Variants in CDH13 observed in about 807,000 individuals in gnomAD.
CDH13 encodes the protein cadherin 13.
In CDH13, 24 loss-of-function variants were observed where a neutral mutation model predicts 63.8. That is an observed-to-expected ratio of 0.38 (90% CI 0.27 to 0.53). The LOEUF (loss-of-function observed/expected upper bound fraction) is 0.53, where lower values mean the gene tolerates loss of function less well. Among genes scored for constraint, CDH13 ranks in the 20% least tolerant of loss-of-function variants. The pLI, the probability that CDH13 is intolerant of heterozygous loss-of-function variation, is 0.85. For missense variants in CDH13, 1,049 were observed against 903.1 expected (o/e 1.16, Z -2.07); for synonymous variants, 503 against 355.3 (o/e 1.42, Z -4.67).
rs750242566 is a variant in CDH13, at chr16:83,761,913, AAAAATTAGCCAGGCGT to A, written c.1681+13664_1681+13679del. Among the ~76,000 whole-genome samples, 226 of 152,160 alleles carry A rather than the reference AAAAATTAGCCAGGCGT, an allele frequency of 1.5e-3. 2 individuals carry two copies. Among genetic ancestry groups the A allele is most frequent in the Non-Finnish European group, 2.8e-3 (188 of 68,002 alleles). ...GAAACCCCTTCTCTACTAAAAATACAAAAATTAGCCAGGCGTGGTTGTGCATGCCTGTAGTCCCAGC... is the reference window on the plus strand; with the variant it reads ...GAAACCCCTTCTCTACTAAAAATACAGGTTGTGCATGCCTGTAGTCCCAGC... On this transcript the variant is annotated intron_variant, in intron 11 of 13. Transcript: ENST00000567109.
intron 1 of CDH13, among the ~76,000 whole-genome samples, chr16:82,699,209 A>G (rs1177903579): frequency 6.6e-6 from 1 of 152,162 alleles, no homozygotes; most frequent in Non-Finnish European, 1.5e-5. Flanking sequence ...AACTTATGTG[A>G]TGAAACTGGG....
chr16:83,736,901 G>A (rs1351594985), intron 10 of CDH13, among the ~76,000 whole-genome samples: 3 of 152,322 alleles, frequency 2.0e-5, no homozygotes, highest in East Asian at 3.9e-4. Flanking sequence ...TGCTTGCCTG[G>A]AACAGGTGGT....
At chr16:83,151,594 T>A (rs1390316529) in intron 4 of CDH13, among the ~76,000 whole-genome samples, 1 of 152,178 alleles carries the variant, frequency 6.6e-6, no homozygotes, top group African/African-American at 2.4e-5. Context: ...TGTTGATATG[T>A]TGCAAAGAAT....
intron 11 of CDH13, among the ~76,000 whole-genome samples, chr16:83,758,622 A>C (rs1395808924): frequency 6.6e-6 from 1 of 152,228 alleles, no homozygotes; most frequent in Non-Finnish European, 1.5e-5. Flanking sequence ...TTATTCATAA[A>C]TGATATGCCT....
chr16:82,814,577 T>C (rs1158333737), intron 1 of CDH13, among the ~76,000 whole-genome samples: 1 of 152,178 alleles, frequency 6.6e-6, no homozygotes, highest in Non-Finnish European at 1.5e-5. Context: ...ACAGAGGGCA[T>C]GGAAGCTCTG....
intron 5 of CDH13, among the ~76,000 whole-genome samples, chr16:83,321,620 C>G (rs75636201): frequency 0.082 from 12,084 of 147,226 alleles, 569 homozygotes; most frequent in Non-Finnish European, 0.11. Context: ...GCTCCACATC[C>G]TGGGTTCACA....
rs983339891 is a variant in CDH13, at chr16:83,302,385, C to T, written c.637-42477C>T. ...GGAAAATATGTAGAAGTTCTTGGCA[C>T]AGAATAGCAGCTCTGTAAATATTAG... On this transcript the variant is annotated intron_variant, in intron 5 of 13. Transcript: ENST00000567109. Among the ~76,000 whole-genome samples, 10 of 152,260 alleles carry T rather than the reference C, an allele frequency of 6.6e-5. 1 individual carries two copies. The South Asian group carries it at 2.1e-3, about 32-fold the overall frequency.
At chr16:82,890,538 A>G (rs2041043530) in intron 2 of CDH13, among the ~76,000 whole-genome samples, 1 of 152,182 alleles carries the variant, frequency 6.6e-6, no homozygotes, top group Admixed American at 6.5e-5. Context: ...CCATCAGGAT[A>G]GTAAATTAAA....
At chr16:83,701,718 C>T (rs1906259937) in intron 10 of CDH13, among the ~76,000 whole-genome samples, 1 of 152,214 alleles carries the variant, frequency 6.6e-6, no homozygotes, top group Non-Finnish European at 1.5e-5. Flanking sequence ...TCCAGCCCCA[C>T]TTCAGCACCA....
At chr16:83,752,314 A>G (rs1486541239) in intron 11 of CDH13, among the ~76,000 whole-genome samples, 2 of 152,228 alleles carry the variant, frequency 1.3e-5, no homozygotes, top group Admixed American at 1.3e-4. Flanking sequence ...CCTTCTTTAC[A>G]TGTATGCAGT....
chr16:82,830,343 T>C (rs1407302484), intron 1 of CDH13, among the ~76,000 whole-genome samples: 1 of 152,232 alleles, frequency 6.6e-6, no homozygotes, highest in Non-Finnish European at 1.5e-5. Flanking sequence ...ATACCTGGTG[T>C]TGACTCTTGA....
At chr16:83,211,770 C>A (rs1001835319) in intron 4 of CDH13, among the ~76,000 whole-genome samples, 1 of 152,080 alleles carries the variant, frequency 6.6e-6, no homozygotes, top group East Asian at 1.9e-4. Context: ...CCCCCCCAAA[C>A]AGCCAGCCAG....
chr16:82,911,837 C>A (rs74032604), intron 2 of CDH13, among the ~76,000 whole-genome samples: 46 of 152,154 alleles, frequency 3.0e-4, no homozygotes, highest in African/African-American at 9.4e-4. Context: ...CCAAAAGCCC[C>A]GTGAGTGGCT....
At chr16:83,601,406 G>C (rs961620341) in intron 7 of CDH13, among the ~76,000 whole-genome samples, 8 of 152,146 alleles carry the variant, frequency 5.3e-5, no homozygotes, top group African/African-American at 1.9e-4. Flanking sequence ...CAAATATTGA[G>C]ATGAAAAACA....
chr16:83,125,305 C>T (rs1044071050), intron 3 of CDH13, 80 bp from the exon 4 acceptor site: 1 of 785,888 alleles, frequency 1.3e-6, no homozygotes, highest in African/African-American at 1.7e-5. Context: ...GCTTTCCCAA[C>T]AAAGGAACTC....
intron 1 of CDH13, among the ~76,000 whole-genome samples, chr16:82,801,452 G>C (rs1032270475): frequency 6.6e-6 from 1 of 152,122 alleles, no homozygotes; most frequent in African/African-American, 2.4e-5. Context: ...AATCATTCAG[G>C]AACATCTCTG....
intron 13 of CDH13, among the ~76,000 whole-genome samples, chr16:83,794,407 G>C (rs1916470146): frequency 6.6e-6 from 1 of 152,142 alleles, no homozygotes. Flanking sequence ...GCAAAAATTA[G>C]CCAGGCATGG....
At chr16:82,687,479 C>G (rs1482556115) in intron 1 of CDH13, among the ~76,000 whole-genome samples, 2 of 152,094 alleles carry the variant, frequency 1.3e-5, no homozygotes, top group African/African-American at 4.8e-5. Flanking sequence ...GGAGGCCTCA[C>G]AATCATGGCA....
chr16:83,153,793 G>T (rs1465150549), intron 4 of CDH13, among the ~76,000 whole-genome samples: 1 of 152,180 alleles, frequency 6.6e-6, no homozygotes, highest in African/African-American at 2.4e-5. Context: ...GGAAATGTCT[G>T]TTTAAGCCAC....
Sources: gnomAD v4.1 joint callset for allele counts (sites outside exome capture counted in the v4.1 genomes callset) on GRCh38, gnomAD v4.1.1 for gene constraint, MANE v1.5 for transcripts, NCBI Gene and HGNC (gene_info 2026-07-23, HGNC 2026-07-21) for gene names.